The following DLG2 variants were observed in gnomAD, a reference collection of about 807,000 sequenced individuals.
DLG2 encodes discs large MAGUK scaffold protein 2.
DLG2 carries 45 observed loss-of-function variants against 132.5 expected under a neutral mutation model. The ratio of observed to expected loss-of-function variants is 0.34; its 90% confidence interval spans 0.27 to 0.44. The LOEUF (loss-of-function observed/expected upper bound fraction) is 0.44. DLG2 is among the 20% of genes least tolerant of loss of function. The pLI is 1.00. For synonymous variants in DLG2, 424 were observed against 419.6 expected (o/e 1.01, Z -0.13); for missense variants, 1,045 against 1,196.9 (o/e 0.87, Z 1.87).
chr11:84,443,046 G>GA lies in DLG2; in HGVS notation c.519+91523dup, dbSNP rs879723102. On this transcript the variant is annotated intron_variant, in intron 7 of 27. Transcript: ENST00000376104. The stretch of plus-strand genomic sequence containing the variant: ...GAAATACCCAGTTATAGATAAGTGT[G>GA]AAAAAAAGATTCCAAATAATAAACC... Among the ~76,000 whole-genome samples the GA allele has an allele frequency of 2.0e-5, 3 of 151,996 alleles. No homozygotes were observed. In the South Asian group the frequency reaches 6.2e-4, roughly 32 times the overall value.
chr11:84,769,213 A>G (rs537470818), intron 6 of DLG2, among the ~76,000 whole-genome samples: 1 of 152,032 alleles, frequency 6.6e-6, no homozygotes, highest in East Asian at 1.9e-4. Context: ...GAGGTACAAG[A>G]CAAAGTTAAA....
At chr11:85,405,826 C>G (rs373807870) in intron 3 of DLG2, among the ~76,000 whole-genome samples, 4 of 151,846 alleles carry the variant, frequency 2.6e-5, no homozygotes, top group East Asian at 3.9e-4. Flanking sequence ...AGTATTGAAT[C>G]CAGACATGTA....
intron 2 of DLG2, among the ~76,000 whole-genome samples, chr11:85,603,711 T>A (rs903203673): frequency 9.2e-5 from 14 of 151,994 alleles, no homozygotes; most frequent in Non-Finnish European, 5.9e-5. Context: ...AGACCGGGAG[T>A]TCGAGACCAG....
At chr11:84,878,518 G>A (rs2086772703) in intron 6 of DLG2, among the ~76,000 whole-genome samples, 1 of 152,070 alleles carries the variant, frequency 6.6e-6, no homozygotes, top group Non-Finnish European at 1.5e-5. Flanking sequence ...AGAACACATG[G>A]ACACAGGGAG....
At chr11:84,420,832 C>A (rs2098947956) in intron 7 of DLG2, among the ~76,000 whole-genome samples, 1 of 151,600 alleles carries the variant, frequency 6.6e-6, no homozygotes, top group Admixed American at 6.6e-5. Context: ...CCACGCCCGG[C>A]TAATTTTTTG....
intron 12 of DLG2, among the ~76,000 whole-genome samples, chr11:83,980,248 C>A (rs1285636059): frequency 1.3e-5 from 2 of 152,124 alleles, no homozygotes; most frequent in Non-Finnish European, 2.9e-5. Context: ...TCTGCATAAA[C>A]ACCCAGGAAA....
chr11:83,729,695 T>C (rs1261590668), intron 18 of DLG2, among the ~76,000 whole-genome samples: 1 of 152,192 alleles, frequency 6.6e-6, no homozygotes, highest in South Asian at 2.1e-4. Flanking sequence ...TTCGGTGGAA[T>C]TGATGAAGGT....
intron 2 of DLG2, among the ~76,000 whole-genome samples, chr11:85,601,310 T>C (rs530970787): frequency 1.1e-4 from 16 of 152,036 alleles, no homozygotes; most frequent in African/African-American, 3.6e-4. Context: ...GCCTGGTCCA[T>C]AGTTTATGCA....
intron 3 of DLG2, among the ~76,000 whole-genome samples, chr11:85,524,109 G>A (rs915828875): frequency 6.6e-6 from 1 of 152,098 alleles, no homozygotes; most frequent in Non-Finnish European, 1.5e-5. Flanking sequence ...TGTTGGGAGG[G>A]ATTAAAGTAG....
intron 6 of DLG2, among the ~76,000 whole-genome samples, chr11:84,990,577 T>C (rs1316260442): frequency 6.6e-6 from 1 of 151,984 alleles, no homozygotes; most frequent in African/African-American, 2.4e-5. Context: ...TTATCCAGCC[T>C]AAAGCATTTT....
chr11:84,618,268 G>T (rs115198655), intron 6 of DLG2, among the ~76,000 whole-genome samples: 4 of 152,066 alleles, frequency 2.6e-5, no homozygotes, highest in African/African-American at 9.6e-5. Flanking sequence ...TTAATCCTGG[G>T]GGCTAAAGGA....
At chr11:83,832,454 C>A (rs1257549083) in intron 17 of DLG2, among the ~76,000 whole-genome samples, 1 of 152,092 alleles carries the variant, frequency 6.6e-6, no homozygotes, top group Non-Finnish European at 1.5e-5. Context: ...GCCCTTTGCA[C>A]CAATGCAGAT....
At chr11:83,534,867 C>T (rs1442167315) in intron 20 of DLG2, among the ~76,000 whole-genome samples, 1 of 152,184 alleles carries the variant, frequency 6.6e-6, no homozygotes, top group South Asian at 2.1e-4. Context: ...CACTTGAACC[C>T]GGGAGGTGGA....
At chr11:85,340,604 A>G (rs963389503) in intron 3 of DLG2, among the ~76,000 whole-genome samples, 1 of 152,226 alleles carries the variant, frequency 6.6e-6, no homozygotes, top group Non-Finnish European at 1.5e-5. Context: ...AAACCTGCAC[A>G]TTGTGCACAT....
At chr11:84,395,709 A>G (rs1415207888) in intron 7 of DLG2, among the ~76,000 whole-genome samples, 4 of 152,250 alleles carry the variant, frequency 2.6e-5, no homozygotes, top group Non-Finnish European at 5.9e-5. Flanking sequence ...TTAGTTAACT[A>G]GATTTAATCA....
At chr11:84,721,852 T>C (rs2061875240) in intron 6 of DLG2, among the ~76,000 whole-genome samples, 1 of 152,228 alleles carries the variant, frequency 6.6e-6, no homozygotes, top group Non-Finnish European at 1.5e-5. Flanking sequence ...ACCTAAAGGG[T>C]TGTCAGGAAG....
At chr11:84,869,633 C>G (rs35056500) in intron 6 of DLG2, among the ~76,000 whole-genome samples, 10,822 of 152,114 alleles carry the variant, frequency 0.071, 548 homozygotes, top group Non-Finnish European at 0.11. Context: ...TTAAAGGCTC[C>G]TGACAAAATT....
At chr11:85,503,630 T>C (rs1221002671) in intron 3 of DLG2, among the ~76,000 whole-genome samples, 3 of 152,192 alleles carry the variant, frequency 2.0e-5, no homozygotes, top group South Asian at 4.1e-4. Context: ...AACTGGTGGC[T>C]TTATAAGAAA....
At chr11:84,746,152 A>G (rs187598174) in intron 6 of DLG2, among the ~76,000 whole-genome samples, 1 of 152,242 alleles carries the variant, frequency 6.6e-6, no homozygotes, top group Admixed American at 6.5e-5. Context: ...AGCTGTGGGC[A>G]AGGGGTCACT....
Sources: gnomAD v4.1 joint callset for allele counts (sites outside exome capture counted in the v4.1 genomes callset) on GRCh38, gnomAD v4.1.1 for gene constraint, MANE v1.5 for transcripts, NCBI Gene and HGNC (gene_info 2026-07-23, HGNC 2026-07-21) for gene names.